The following HEBP1 variants were observed in gnomAD, a reference collection of about 807,000 sequenced individuals.
HEBP1 encodes heme binding protein 1.
In HEBP1, 13 loss-of-function variants were observed where a neutral mutation model predicts 20.4. The observed-to-expected ratio is 0.64, with a 90% confidence interval of 0.42 to 1.01. The LOEUF is 1.01. Ranked by LOEUF, HEBP1 falls within the 50% of genes least tolerant of loss-of-function variation. HEBP1 has a pLI of 0.00. For synonymous variants in HEBP1, 92 were observed against 90.7 expected (o/e 1.01, Z -0.08); for missense variants, 241 against 247.3 (o/e 0.97, Z 0.17).
In HEBP1 at chr12:12,975,467, A is replaced by G. The variant is rs920523214; in HGVS notation, c.411T>C (p.Gly137=). The G allele has an allele frequency of 1.2e-6, 2 of 1,607,626 alleles. No homozygotes were observed. Among genetic ancestry groups the G allele is most frequent in the African/African-American group, 1.3e-5 (1 of 74,498 alleles). Residue 137 remains glycine, a synonymous_variant, in exon 4 of 4, where the codon GGT becomes GGC. Coordinates refer to ENST00000014930, the MANE Select transcript of HEBP1 (RefSeq NM_015987.5). ...GITVYSMQFG[G]YAKEADYVAQ... is the part of the protein sequence containing the mutation. Reference sequence around the variant, plus strand: ...CTACGTAGTCTGCTTCCTTGGCATAACCACCAAACTGCCTGGGGGTTCAAG... The same window carrying G: ...CTACGTAGTCTGCTTCCTTGGCATAGCCACCAAACTGCCTGGGGGTTCAAG...
At chr12:12,983,526 T>G (rs1592401729) in intron 3 of HEBP1, 2 of 348,834 alleles carry the variant, frequency 5.7e-6, no homozygotes, top group East Asian at 1.6e-4. Context: ...ACTTTTGCAT[T>G]TGAAGTAGTA....
intron 3 of HEBP1, among the ~76,000 whole-genome samples, chr12:12,985,024 T>A (rs73287262): frequency 2.0e-5 from 3 of 151,892 alleles, no homozygotes; most frequent in Non-Finnish European, 4.4e-5. Context: ...GGCAGGTTCC[T>A]GTACTCCCAG....
Position 12,990,116 on chromosome 12 carries a change from GCACACACACACA to G in HEBP1, c.79-713_79-702del, listed in dbSNP as rs36210276. ...CAAGCAAATAGTTGCTACTCTCTGT[GCACACACACACA>G]CACACACACACACACACACACAAAC... On this transcript the variant is annotated intron_variant, in intron 1 of 3. Transcript: ENST00000014930. 3.4e-3 allele frequency among the ~76,000 whole-genome samples: 509 copies of G among 149,126 alleles called. 3 individuals carry two copies. Among genetic ancestry groups the G allele is most frequent in the Middle Eastern group, 6.8e-3 (2 of 292 alleles).
chr12:12,994,733 A>G (rs1242820325), intron 1 of HEBP1, among the ~76,000 whole-genome samples: 2 of 152,144 alleles, frequency 1.3e-5, no homozygotes, highest in East Asian at 3.9e-4. Context: ...CCATCAGTTC[A>G]TCTCCTCCTG....
At chr12:12,997,084 G>T (rs1276830741) in intron 1 of HEBP1, among the ~76,000 whole-genome samples, 3 of 152,140 alleles carry the variant, frequency 2.0e-5, no homozygotes, top group South Asian at 2.1e-4. Flanking sequence ...AGATGGAAAA[G>T]ATATTTTTAT....
intron 3 of HEBP1, among the ~76,000 whole-genome samples, chr12:12,975,803 G>A (rs764102430): frequency 6.6e-5 from 10 of 152,238 alleles, no homozygotes; most frequent in Non-Finnish European, 8.8e-5. Flanking sequence ...AAATACCCAA[G>A]GGGACAGCAG....
rs146022067 is a variant in HEBP1, at chr12:12,998,802, G to A, written c.78+1235C>T. On this transcript the variant is annotated intron_variant, in intron 1 of 3. Transcript: ENST00000014930. This position sits in a 1 kb window ranked among gnomAD's most constrained non-coding sequence, Gnocchi z 4.2. ...TGTTTAAACTACCTGTCCACCAGGA[G>A]ATTATAATCTAGCAGCACTCTCCTT... 8.9e-4 allele frequency among the ~76,000 whole-genome samples: 135 copies of A among 152,316 alleles called. 2 individuals carry two copies. The highest frequency in any genetic ancestry group is 3.4e-3 in the Middle Eastern group (1 of 294).
At chr12:12,984,474 T>A (rs1864127672) in intron 3 of HEBP1, 2 of 152,196 alleles carry the variant, frequency 1.3e-5, no homozygotes, top group Admixed American at 6.5e-5. Context: ...AACTACTAAT[T>A]TACAGGCAAT....
intron 3 of HEBP1, chr12:12,984,403 C>A (rs1392852198): frequency 6.6e-6 from 1 of 152,270 alleles, no homozygotes; most frequent in Non-Finnish European, 1.5e-5. Flanking sequence ...TAAACACCAC[C>A]ACGTAGGAAA....
chr12:12,975,253 C>T lies in HEBP1; in HGVS notation c.*55G>A, dbSNP rs958028816. ...GGAAGCACTGTCCCCTCCTTACCCC[C>T]GAGGAAGGAGACACAGAGGCACACT... On this transcript the variant is annotated 3_prime_UTR_variant, in exon 4 of 4. Coordinates refer to ENST00000014930, the MANE Select transcript of HEBP1 (RefSeq NM_015987.5). 5.9e-5 allele frequency: 92 copies of T among 1,548,052 alleles called. No homozygotes were observed. The African/African-American group carries it at 9.4e-4, about 16-fold the overall frequency.
intron 2 of HEBP1, 127 bp downstream of exon 2, chr12:12,989,150 T>G: frequency 6.1e-6 from 6 of 989,024 alleles, no homozygotes; most frequent in Non-Finnish European, 9.4e-6. Flanking sequence ...GTGCAGGAGG[T>G]TCACAGGTCA....
In HEBP1 at chr12:12,998,471, A is replaced by G. The variant is rs947105420; in HGVS notation, c.78+1566T>C. On this transcript the variant is annotated intron_variant, in intron 1 of 3. Coordinates refer to ENST00000014930, the MANE Select transcript of HEBP1 (RefSeq NM_015987.5). This position sits in a 1 kb window ranked among gnomAD's most constrained non-coding sequence, Gnocchi z 4.2. The stretch of plus-strand genomic sequence containing the variant: ...CTGAGTTCACTCTCTGATTTGCCTC[A>G]GTCCCCACTATGCCTTATAGCCTAA... 5.3e-5 allele frequency among the ~76,000 whole-genome samples: 8 copies of G among 152,198 alleles called. No individual in the cohort carries two copies. The highest frequency in any genetic ancestry group is 1.2e-4 in the Non-Finnish European group (8 of 68,032).
At chr12:12,999,552 A>G (rs1395790025) in intron 1 of HEBP1, among the ~76,000 whole-genome samples, 2 of 152,160 alleles carry the variant, frequency 1.3e-5, no homozygotes, top group Admixed American at 1.3e-4. Context: ...AAAACTTAGG[A>G]CTTCTGTATT....
intron 1 of HEBP1, among the ~76,000 whole-genome samples, chr12:12,997,695 G>A (rs561951453): frequency 2.9e-4 from 44 of 152,340 alleles, no homozygotes; most frequent in African/African-American, 9.9e-4. Flanking sequence ...AGCAGAGCAG[G>A]GAATGGGTGA....
intron 3 of HEBP1, among the ~76,000 whole-genome samples, chr12:12,980,971 G>A (rs1864073998): frequency 6.6e-6 from 1 of 152,252 alleles, no homozygotes; most frequent in East Asian, 1.9e-4. Context: ...AAAGACAGGC[G>A]ATGTGATCAG....
In HEBP1 at chr12:12,986,173, G is replaced by A. The variant is rs148027105; in HGVS notation, c.398+979C>T. On this transcript the variant is annotated intron_variant, in intron 3 of 3. Coordinates refer to ENST00000014930, the MANE Select transcript of HEBP1 (RefSeq NM_015987.5). The surrounding 1 kb of genome is among the most constrained non-coding windows in gnomAD (Gnocchi z 4.3). ...CAAGCACAGGAGCTGAGGCTCCGGT[G>A]CTAGCTCCCAGCTGCATTACATTCA... 2.3e-3 allele frequency: 352 copies of A among 152,388 alleles called. No homozygotes were observed. The highest frequency in any genetic ancestry group is 0.014 in the Middle Eastern group (4 of 296). 9.4% of individuals were successfully genotyped at this position (152,388 alleles called of 1,614,324 possible). A position where few individuals can be genotyped will look rare whatever the true frequency, so the allele number is the denominator to read the frequency against.
rs2232243 is a variant in HEBP1, at chr12:12,989,375, T to G, written c.119A>C (p.Lys40Thr). The change falls in exon 2 of 4, where the codon AAA becomes ACA. Residue 40 changes from lysine (K) to threonine (T), a missense_variant. Coordinates refer to ENST00000014930, the MANE Select transcript of HEBP1 (RefSeq NM_015987.5). ...ATCTGTCACTTCTACTGTGGCAAAT[T>G]TGCCGCCTTCACAGGCCCTTTCTTC... Reference protein sequence around the residue: ...AYEERACEGGKFATVEVTDKP... With the variant: ...AYEERACEGGTFATVEVTDKP... 3.7e-6 allele frequency: 6 copies of G among 1,614,088 alleles called. No individual in the cohort carries two copies. The African/African-American group carries it at 6.7e-5, about 18-fold the overall frequency.
chr12:13,000,239 A>AAGGCGGCGGGACGGCG lies in HEBP1; in HGVS notation c.-126_-125insCGCCGTCCCGCCGCCT, dbSNP rs1555116030. The AAGGCGGCGGGACGGCG allele has an allele frequency of 1.1e-4, 40 of 360,482 alleles. No homozygotes were observed. The highest frequency in any genetic ancestry group is 8.1e-4 in the South Asian group (10 of 12,324). 22.3% of individuals were successfully genotyped at this position (360,482 alleles called of 1,614,324 possible). ...CAGGGCGGCAGGGCGGCAGGGTGGC[A>AAGGCGGCGGGACGGCG]GGGCGGCAAGGCGGCGGGACGGCGA... On this transcript the variant is annotated 5_prime_UTR_variant, in exon 1 of 4. Coordinates refer to ENST00000014930, the MANE Select transcript of HEBP1 (RefSeq NM_015987.5).
chr12:12,997,262 A>G (rs1011446085), intron 1 of HEBP1, among the ~76,000 whole-genome samples: 4 of 152,216 alleles, frequency 2.6e-5, no homozygotes, highest in Admixed American at 6.5e-5. Context: ...GTGACACTGT[A>G]TCAATAAGAG....
Sources: allele counts gnomAD v4.1 joint callset (sites outside exome capture counted in the v4.1 genomes callset), GRCh38; gene constraint gnomAD v4.1.1; non-coding constraint Gnocchi (gnomAD v3.1); transcripts MANE v1.5; gene names NCBI Gene and HGNC (gene_info 2026-07-23, HGNC 2026-07-21).